The following RAB28 variants were observed in gnomAD, a reference collection of about 807,000 sequenced individuals.
RAB28 encodes the protein ras-related protein Rab-28.
Under a neutral mutation model 31.7 loss-of-function variants are expected in RAB28, and 24 were observed. That is an observed-to-expected ratio of 0.76 (90% CI 0.55 to 1.06). RAB28 has a LOEUF of 1.06. RAB28 is among the 50% of genes least tolerant of loss of function. The pLI, the probability that RAB28 is intolerant of heterozygous loss-of-function variation, is 0.00. For synonymous variants in RAB28, 100 were observed against 90.4 expected, an observed-to-expected ratio of 1.11 and a Z score of -0.60; for missense variants, 254 against 258.5, an observed-to-expected ratio of 0.98 and a Z score of 0.12.
At chr4:13,380,101 T>C (rs1729067284) in intron 5 of RAB28, among the ~76,000 whole-genome samples, 1 of 152,136 alleles carries the variant, frequency 6.6e-6, no homozygotes, top group Admixed American at 6.5e-5. Flanking sequence ...AATCCATGGA[T>C]GAGTTTATCT....
intron 4 of RAB28, among the ~76,000 whole-genome samples, chr4:13,383,088 G>T (rs1729205915): frequency 6.6e-6 from 1 of 152,010 alleles, no homozygotes; most frequent in South Asian, 2.1e-4. Context: ...ACAAGAACAG[G>T]CAAGGAATGT....
chr4:13,427,988 T>C (rs897678696), intron 4 of RAB28, among the ~76,000 whole-genome samples: 1 of 152,060 alleles, frequency 6.6e-6, no homozygotes, highest in Non-Finnish European at 1.5e-5. Flanking sequence ...GGCTTAGAAC[T>C]CTAAGGGGGT....
chr4:13,443,918 C>G lies in RAB28; in HGVS notation c.391+16781G>C, dbSNP rs1714550258. On this transcript the variant is annotated intron_variant, in intron 4 of 6. Transcript: ENST00000330852. Reference sequence around the variant, plus strand: ...GTTCAACTTTTTTAGATTCCACATACAAGTCATATCATGCAGTGCTTGTCG... The same window carrying G: ...GTTCAACTTTTTTAGATTCCACATAGAAGTCATATCATGCAGTGCTTGTCG... 2.0e-5 allele frequency among the ~76,000 whole-genome samples: 3 copies of G among 152,164 alleles called. No homozygotes were observed. In the South Asian group the frequency reaches 6.2e-4, roughly 32 times the overall value.
Position 13,412,802 on chromosome 4 carries a change from C to T in RAB28, c.392-31208G>A, listed in dbSNP as rs193043812. On this transcript the variant is annotated intron_variant, in intron 4 of 6. Coordinates refer to ENST00000330852, the MANE Select transcript of RAB28 (RefSeq NM_001017979.3). ...TTTTTAAAACTTAATTACACAACTA[C>T]TTCTATAAAATAAGAAAGCAGAGAT... Among the ~76,000 whole-genome samples, 208 of 152,152 alleles carry T rather than the reference C, an allele frequency of 1.4e-3. 2 individuals are homozygous for T. Among genetic ancestry groups the T allele is most frequent in the Non-Finnish European group, 2.1e-3 (145 of 67,988 alleles).
In RAB28 at chr4:13,368,310, T is replaced by C. The variant is rs945053407; in HGVS notation, c.*248A>G. The stretch of plus-strand genomic sequence containing the variant: ...AAGAAACAACATCATTCTTTTGCAA[T>C]GAAGCAGTCTAATTCCAGGGAATGG... On this transcript the variant is annotated 3_prime_UTR_variant, in exon 7 of 7. Transcript: ENST00000330852. The C allele has an allele frequency of 1.8e-6, 2 of 1,137,544 alleles. No homozygotes were observed. Among genetic ancestry groups the C allele is most frequent in the Non-Finnish European group, 2.2e-6 (2 of 928,352 alleles). The allele number at this position is 1,137,544 out of a possible 1,614,324, so 70.5% of individuals were successfully genotyped here.
chr4:13,395,679 T>A (rs1444447990), intron 4 of RAB28, among the ~76,000 whole-genome samples: 5 of 152,088 alleles, frequency 3.3e-5, no homozygotes, highest in Non-Finnish European at 7.4e-5. Context: ...GTAATAAATA[T>A]TTTTAAACTA....
At chr4:13,429,244 G>C (rs181818666) in intron 4 of RAB28, among the ~76,000 whole-genome samples, 63 of 152,224 alleles carry the variant, frequency 4.1e-4, no homozygotes, top group African/African-American at 1.4e-3. Flanking sequence ...ACTGCGCCTG[G>C]CCAATTTCAC....
chr4:13,372,991 TA>T (rs1199840193), intron 6 of RAB28, among the ~76,000 whole-genome samples: 1 of 152,112 alleles, frequency 6.6e-6, no homozygotes, highest in African/African-American at 2.4e-5. Flanking sequence ...TTTGGTATTT[TA>T]AAAACTAATA....
intron 1 of RAB28, 76 bp downstream of exon 1, chr4:13,484,000 C>A: frequency 7.2e-7 from 1 of 1,397,530 alleles, no homozygotes; most frequent in South Asian, 1.2e-5. Flanking sequence ...CGAGGCGACG[C>A]CGGGCGGCGG....
At chr4:13,419,508 C>T (rs1025618419) in intron 4 of RAB28, among the ~76,000 whole-genome samples, 1 of 152,170 alleles carries the variant, frequency 6.6e-6, no homozygotes, top group Non-Finnish European at 1.5e-5. Context: ...AAGTAAAGCA[C>T]TCCTCAGCAA....
At chr4:13,473,125 A>C (rs1290285427) in intron 3 of RAB28, among the ~76,000 whole-genome samples, 3 of 151,984 alleles carry the variant, frequency 2.0e-5, no homozygotes, top group Non-Finnish European at 4.4e-5. Context: ...ATTTTACAAA[A>C]TAAATCAGAA....
chr4:13,437,710 G>A (rs1455628930), intron 4 of RAB28, among the ~76,000 whole-genome samples: 1 of 152,142 alleles, frequency 6.6e-6, no homozygotes, highest in Non-Finnish European at 1.5e-5. Context: ...AGACATTGGA[G>A]AGGCTACAGA....
intron 1 of RAB28, among the ~76,000 whole-genome samples, chr4:13,482,646 T>C (rs1267835264): frequency 6.6e-6 from 1 of 152,148 alleles, no homozygotes; most frequent in Non-Finnish European, 1.5e-5. Flanking sequence ...TTACTAAGTA[T>C]ACAAAAATTA....
intron 4 of RAB28, among the ~76,000 whole-genome samples, chr4:13,413,026 GA>G (rs906479010): frequency 1.1e-4 from 16 of 151,324 alleles, no homozygotes; most frequent in South Asian, 2.1e-4. Flanking sequence ...AAAAAGGAGA[GA>G]AAAAAATATA....
chr4:13,424,127 T>C (rs1300373753), intron 4 of RAB28, among the ~76,000 whole-genome samples: 1 of 152,228 alleles, frequency 6.6e-6, no homozygotes, highest in Non-Finnish European at 1.5e-5. Context: ...TTTAAGTATC[T>C]ATGAGAAATC....
intron 4 of RAB28, among the ~76,000 whole-genome samples, chr4:13,405,383 T>C (rs1325488422): frequency 6.6e-6 from 1 of 152,166 alleles, no homozygotes; most frequent in African/African-American, 2.4e-5. Flanking sequence ...AAAAGAAAGC[T>C]GTCAGCCTAT....
intron 4 of RAB28, among the ~76,000 whole-genome samples, chr4:13,395,842 C>T (rs1017238051): frequency 7.2e-5 from 11 of 151,960 alleles, no homozygotes; most frequent in African/African-American, 2.4e-4. Flanking sequence ...TTACACTGGC[C>T]TGAGGCTTCA....
intron 2 of RAB28, among the ~76,000 whole-genome samples, chr4:13,477,364 C>T (rs1013082708): frequency 2.6e-5 from 4 of 151,440 alleles, no homozygotes; most frequent in Non-Finnish European, 5.9e-5. Context: ...GAGGACTTAC[C>T]AGACTAGTAA....
chr4:13,386,313 T>C (rs1206763717), intron 4 of RAB28, among the ~76,000 whole-genome samples: 1 of 151,228 alleles, frequency 6.6e-6, no homozygotes, highest in Non-Finnish European at 1.5e-5. Context: ...ATCAACAGAG[T>C]AAACAGACAA....
Sources: gnomAD v4.1 joint callset for allele counts (sites outside exome capture counted in the v4.1 genomes callset) on GRCh38, gnomAD v4.1.1 for gene constraint, MANE v1.5 for transcripts, NCBI Gene and HGNC (gene_info 2026-07-23, HGNC 2026-07-21) for gene names.